Variants in ANO10 observed in about 807,000 individuals in gnomAD.
The protein encoded by ANO10 is anoctamin 10, also known as anoctamin-10.
A neutral mutation model predicts 74.7 loss-of-function variants in ANO10; 77 were observed. That is an observed-to-expected ratio of 1.03 (90% CI 0.86 to 1.25). The LOEUF (loss-of-function observed/expected upper bound fraction) is 1.25. ANO10 is among the 50% of genes most tolerant of loss of function. The pLI is 0.00. For missense variants in ANO10, 721 were observed against 778.1 expected (o/e 0.93, Z 0.87); for synonymous variants, 279 against 284.9 (o/e 0.98, Z 0.21).
At chr3:43,519,471 T>C (rs2077855536) in intron 11 of ANO10, among the ~76,000 whole-genome samples, 1 of 152,194 alleles carries the variant, frequency 6.6e-6, no homozygotes, top group South Asian at 2.1e-4. Context: ...ATCCTGCCAC[T>C]GAGGGGAGAA....
chr3:43,675,116 T>A (rs141635737), intron 1 of ANO10, among the ~76,000 whole-genome samples: 129 of 152,292 alleles, frequency 8.5e-4, no homozygotes, highest in African/African-American at 3.0e-3. Context: ...ACATTCAAAA[T>A]GATTTAAGAA....
At chr3:43,609,859 T>G (rs553062796) in intron 1 of ANO10, among the ~76,000 whole-genome samples, 2 of 152,186 alleles carry the variant, frequency 1.3e-5, no homozygotes, top group Non-Finnish European at 2.9e-5. Context: ...GTATTTACCA[T>G]GAATGGAGCT....
intron 11 of ANO10, among the ~76,000 whole-genome samples, chr3:43,497,149 C>T (rs2076946497): frequency 1.3e-5 from 2 of 152,120 alleles, no homozygotes; most frequent in African/African-American, 4.8e-5. Context: ...GAATTAAGTG[C>T]AGACAATAAA....
At chr3:43,375,662 T>G (rs9876172) in intron 12 of ANO10, among the ~76,000 whole-genome samples, 13,034 of 152,066 alleles carry the variant, frequency 0.086, 744 homozygotes, top group East Asian at 0.15. Flanking sequence ...CTCTCCTAGC[T>G]AAAAGAGGCA....
At chr3:43,448,596 C>T (rs975567827) in intron 11 of ANO10, among the ~76,000 whole-genome samples, 22 of 152,114 alleles carry the variant, frequency 1.4e-4, no homozygotes, top group Middle Eastern at 3.2e-3. Flanking sequence ...AATCATCTAC[C>T]GAAGGACATC....
chr3:43,374,162 C>T (rs1393483145), intron 12 of ANO10, among the ~76,000 whole-genome samples: 1 of 152,156 alleles, frequency 6.6e-6, no homozygotes, highest in Non-Finnish European at 1.5e-5. Context: ...GTTCCCTGTG[C>T]CAGGTTCATG....
intron 11 of ANO10, among the ~76,000 whole-genome samples, chr3:43,437,295 C>A (rs1422039764): frequency 3.3e-5 from 5 of 152,138 alleles, no homozygotes; most frequent in Non-Finnish European, 7.3e-5. Flanking sequence ...CTCAAAGGAG[C>A]CTCAAAGAAG....
At chr3:43,537,597 G>C (rs1182622489) in intron 11 of ANO10, among the ~76,000 whole-genome samples, 1 of 139,370 alleles carries the variant, frequency 7.2e-6, no homozygotes, top group African/African-American at 2.7e-5. Context: ...CTCAGAGCAG[G>C]CATACTTTAT....
intron 11 of ANO10, among the ~76,000 whole-genome samples, chr3:43,456,145 G>A (rs1224938521): frequency 6.6e-6 from 1 of 152,104 alleles, no homozygotes; most frequent in Non-Finnish European, 1.5e-5. Context: ...GAGCAGGTAC[G>A]GCGGTCACCA....
chr3:43,568,043 G>A (rs2080471132), intron 7 of ANO10, among the ~76,000 whole-genome samples: 1 of 151,832 alleles, frequency 6.6e-6, no homozygotes, highest in Non-Finnish European at 1.5e-5. Context: ...CCTAGTCTCT[G>A]ATAAAACAGA....
At chr3:43,668,976 AG>A in intron 1 of ANO10, among the ~76,000 whole-genome samples, 1 of 152,004 alleles carries the variant, frequency 6.6e-6, no homozygotes, top group Non-Finnish European at 1.5e-5. Flanking sequence ...ACATTATTTT[AG>A]TTGTTGCCCA....
At chr3:43,376,011 G>T (rs1030745154) in intron 12 of ANO10, among the ~76,000 whole-genome samples, 18 of 152,158 alleles carry the variant, frequency 1.2e-4, no homozygotes, top group African/African-American at 3.9e-4. Flanking sequence ...AATGGAAGGA[G>T]CCCCTTGGTG....
intron 11 of ANO10, among the ~76,000 whole-genome samples, chr3:43,527,606 A>G (rs2078263191): frequency 6.6e-6 from 1 of 152,178 alleles, no homozygotes; most frequent in Non-Finnish European, 1.5e-5. Context: ...CATACCTACA[A>G]CATTAACTAG....
At chr3:43,572,024 A>G (rs990361469) in intron 7 of ANO10, among the ~76,000 whole-genome samples, 1 of 152,096 alleles carries the variant, frequency 6.6e-6, no homozygotes, top group Non-Finnish European at 1.5e-5. Context: ...GGAAGACGAG[A>G]TGGTTTAGGA....
At chr3:43,533,149 A>C (rs909190285) in intron 11 of ANO10, among the ~76,000 whole-genome samples, 14 of 152,220 alleles carry the variant, frequency 9.2e-5, no homozygotes, top group African/African-American at 3.1e-4. Context: ...GGAAGTGAGA[A>C]GCATGTTGTC....
chr3:43,494,220 G>A (rs575561664), intron 11 of ANO10, among the ~76,000 whole-genome samples: 70 of 152,284 alleles, frequency 4.6e-4, no homozygotes, highest in Non-Finnish European at 7.9e-4. Context: ...TTGGGAGGCT[G>A]AGGCAGGCGG....
intron 1 of ANO10, among the ~76,000 whole-genome samples, chr3:43,682,280 C>T (rs1027318848): frequency 2.6e-5 from 4 of 152,252 alleles, no homozygotes; most frequent in African/African-American, 9.6e-5. Context: ...TACAAACAAC[C>T]ATCAGAGAAT....
intron 11 of ANO10, among the ~76,000 whole-genome samples, chr3:43,546,772 C>G (rs945575568): frequency 1.3e-5 from 2 of 151,812 alleles, no homozygotes; most frequent in African/African-American, 4.8e-5. Context: ...AACAGGCTGA[C>G]AAAAATTGAA....
At chr3:43,515,362 A>G (rs1192213410) in intron 11 of ANO10, among the ~76,000 whole-genome samples, 1 of 152,104 alleles carries the variant, frequency 6.6e-6, no homozygotes, top group Non-Finnish European at 1.5e-5. Flanking sequence ...AATTCTCTCT[A>G]CCTGTCTTCT....
Sources: allele counts gnomAD v4.1 joint callset (sites outside exome capture counted in the v4.1 genomes callset), GRCh38; gene constraint gnomAD v4.1.1; transcripts MANE v1.5; gene names NCBI Gene and HGNC (gene_info 2026-07-23, HGNC 2026-07-21).